The following LYZL4 variants were observed in gnomAD, a reference collection of about 807,000 sequenced individuals.
LYZL4 encodes the protein lysozyme-like protein 4.
Under a neutral mutation model 17.6 loss-of-function variants are expected in LYZL4, and 13 were observed. The ratio of observed to expected loss-of-function variants is 0.74; its 90% CI spans 0.48 to 1.18. LYZL4 has a LOEUF of 1.18. Ranked by LOEUF, LYZL4 falls within the 50% of genes most tolerant of loss-of-function variation. The pLI is 0.00. For synonymous variants in LYZL4, 64 were observed against 67.7 expected (o/e 0.95, Z 0.27); for missense variants, 174 against 188.2 (o/e 0.92, Z 0.44).
intron 4 of LYZL4, among the ~76,000 whole-genome samples, chr3:42,397,600 G>A (rs1250853819): frequency 1.3e-5 from 2 of 152,272 alleles, no homozygotes; most frequent in African/African-American, 2.4e-5. Context: ...GTGAGATGAG[G>A]AGGCTGAACT....
the LYZL4 span, among the ~76,000 whole-genome samples, chr3:42,385,024 T>C: frequency 6.6e-6 from 1 of 152,214 alleles, no homozygotes; most frequent in Non-Finnish European, 1.5e-5. Flanking sequence ...AAATCTATTT[T>C]GCTTTTTCTA....
At chr3:42,373,200 ACT>A in the LYZL4 span, among the ~76,000 whole-genome samples, 2 of 152,192 alleles carry the variant, frequency 1.3e-5, no homozygotes, top group African/African-American at 4.8e-5. Context: ...GACAAGCAAA[ACT>A]CTGTCTCAAA....
At chr3:42,402,747 A>G (rs1193244059) in intron 4 of LYZL4, among the ~76,000 whole-genome samples, 1 of 152,262 alleles carries the variant, frequency 6.6e-6, no homozygotes, top group Non-Finnish European at 1.5e-5. Context: ...TCCTATGACT[A>G]GCAATTTTAT....
the LYZL4 span, among the ~76,000 whole-genome samples, chr3:42,389,766 A>G: frequency 6.6e-6 from 1 of 152,180 alleles, no homozygotes; most frequent in Admixed American, 6.5e-5. Flanking sequence ...TATTGGTCTC[A>G]GTCAGGTCCT....
rs1176107712 is a variant in LYZL4 at position 42,404,095 on chromosome 3, T to C, written c.322A>G (p.Ile108Val). Residue 108 changes from isoleucine (I) to valine (V), a missense_variant, in exon 4 of 5, where the codon ATT becomes GTT. Transcript: ENST00000287748. Reference sequence around the variant, plus strand: ...TTTACAATGGTCTTGGCACATTTAATTGTCTTCTCTAAATTAGGATTCAGT... The same window carrying C: ...TTTACAATGGTCTTGGCACATTTAACTGTCTTCTCTAAATTAGGATTCAGT... ...ALLNPNLEKTIKCAKTIVKGK... is the reference protein window; with the variant it reads ...ALLNPNLEKTVKCAKTIVKGK... 6.2e-7 allele frequency: 1 copy of C among 1,612,630 alleles called. No homozygotes were observed. Among genetic ancestry groups the C allele is most frequent in the Non-Finnish European group, 8.5e-7 (1 of 1,178,840 alleles).
At chr3:42,363,892 C>T in the LYZL4 span, among the ~76,000 whole-genome samples, 17 of 152,228 alleles carry the variant, frequency 1.1e-4, 1 homozygote, top group Non-Finnish European at 5.9e-5. Flanking sequence ...AGACCATCAT[C>T]ACCCTTTCCC....
the LYZL4 span, among the ~76,000 whole-genome samples, chr3:42,389,873 T>A: frequency 2.0e-5 from 3 of 152,140 alleles, no homozygotes; most frequent in Non-Finnish European, 4.4e-5. Context: ...TATGGCTTCA[T>A]GGGGAGTTCT....
At chr3:42,399,814 G>A (rs891963759) in intron 4 of LYZL4, among the ~76,000 whole-genome samples, 1 of 152,028 alleles carries the variant, frequency 6.6e-6, no homozygotes, top group Non-Finnish European at 1.5e-5. Context: ...GAGCACATAG[G>A]GGGTTTCCAT....
chr3:42,407,046 G>C, intron 2 of LYZL4, 48 bp from the exon 3 acceptor site: 1 of 1,613,878 alleles, frequency 6.2e-7, no homozygotes, highest in Non-Finnish European at 8.5e-7. Flanking sequence ...CTGGAGTTGG[G>C]GATGCTTGGC....
At chr3:42,375,651 G>T in the LYZL4 span, among the ~76,000 whole-genome samples, 22 of 152,188 alleles carry the variant, frequency 1.4e-4, no homozygotes, top group Non-Finnish European at 2.6e-4. Flanking sequence ...CAGGCTGGGG[G>T]CTGAGGAGGC....
chr3:42,368,313 T>C, the LYZL4 span, among the ~76,000 whole-genome samples: 1 of 152,190 alleles, frequency 6.6e-6, no homozygotes, highest in South Asian at 2.1e-4. Flanking sequence ...CAAATAAAAC[T>C]GTTGGGTTTT....
Position 42,399,292 on chromosome 3 carries a change from C to A in LYZL4, c.372-1958G>T, listed in dbSNP as rs1432437399. On this transcript the variant is annotated intron_variant, in intron 4 of 4. Transcript: ENST00000287748. ...AACTGGTCTCTCCAACGTTTAAATGCACCAAATGGTCTCAATAAATCCCCT... is the reference window on the plus strand; with the variant it reads ...AACTGGTCTCTCCAACGTTTAAATGAACCAAATGGTCTCAATAAATCCCCT... Among the ~76,000 whole-genome samples the A allele has an allele frequency of 2.6e-5, 4 of 152,324 alleles. No individual in the cohort carries two copies. In the East Asian group the frequency reaches 7.7e-4, roughly 29 times the overall value.
chr3:42,400,106 C>T (rs1453175905), intron 4 of LYZL4, among the ~76,000 whole-genome samples: 1 of 152,176 alleles, frequency 6.6e-6, no homozygotes, highest in African/African-American at 2.4e-5. Context: ...GGATCAGATT[C>T]TGGACAAAGT....
chr3:42,393,824 C>T (rs535145218), downstream of LYZL4, among the ~76,000 whole-genome samples: 1 of 152,274 alleles, frequency 6.6e-6, no homozygotes, highest in South Asian at 2.1e-4. Context: ...CAGAGTCTTG[C>T]TCTGTCGCTC....
At chr3:42,398,280 G>A (rs766381626) in intron 4 of LYZL4, among the ~76,000 whole-genome samples, 1 of 152,174 alleles carries the variant, frequency 6.6e-6, no homozygotes, top group Non-Finnish European at 1.5e-5. Flanking sequence ...ACACGTGGCT[G>A]CCTGTTAGCT....
chr3:42,388,107 C>A, the LYZL4 span, among the ~76,000 whole-genome samples: 1 of 152,272 alleles, frequency 6.6e-6, no homozygotes, highest in East Asian at 1.9e-4. Context: ...GGACTCCCTT[C>A]CCCAGAGCTC....
downstream of LYZL4, chr3:42,397,070 C>A: frequency 2.0e-6 from 1 of 504,914 alleles, no homozygotes; most frequent in Non-Finnish European, 3.6e-6. Context: ...AAAGCAGAGA[C>A]CTTTGGCCCA....
the LYZL4 span, among the ~76,000 whole-genome samples, chr3:42,391,428 C>A: frequency 0.024 from 3,610 of 152,092 alleles, 157 homozygotes; most frequent in African/African-American, 0.083. Context: ...GAGTAGTGAC[C>A]AGAAAGAGGG....
the LYZL4 span, among the ~76,000 whole-genome samples, chr3:42,387,172 C>T: frequency 1.3e-5 from 2 of 152,256 alleles, no homozygotes; most frequent in Admixed American, 1.3e-4. Context: ...ACAGCAATCC[C>T]TCGTGCATTG....
Sources: gnomAD v4.1 joint callset for allele counts (sites outside exome capture counted in the v4.1 genomes callset) on GRCh38, gnomAD v4.1.1 for gene constraint, MANE v1.5 for transcripts, NCBI Gene and HGNC (gene_info 2026-07-23, HGNC 2026-07-21) for gene names.